BLMH: variants seen among roughly 807,000 people sequenced by gnomAD.
The protein encoded by BLMH is BLM hydrolase.
A neutral mutation model predicts 61.6 loss-of-function variants in BLMH; 32 were observed. The ratio of observed to expected loss-of-function variants is 0.52; its 90% CI spans 0.39 to 0.70. BLMH has a LOEUF of 0.70. BLMH is among the 30% of genes least tolerant of loss of function. The probability of loss-of-function intolerance (pLI) is 0.00; values close to 1 mark genes in which losing one functional copy is unlikely to be tolerated. For synonymous variants in BLMH, 183 were observed against 193.8 expected (o/e 0.94, Z 0.46); for missense variants, 460 against 555.5 (o/e 0.83, Z 1.73).
At chr17:30,249,344 G>A in intron 11 of BLMH, 176 bp from the exon 12 acceptor site, 4 of 704,292 alleles carry the variant, frequency 5.7e-6, no homozygotes, top group Non-Finnish European at 9.1e-6. Flanking sequence ...AGATAGGACA[G>A]GCATGGCTCT....
intron 9 of BLMH, chr17:30,272,230 C>A: frequency 3.5e-6 from 1 of 286,344 alleles, no homozygotes; most frequent in African/African-American, 2.1e-5. Flanking sequence ...TCTGGAAAAT[C>A]TTTCATTACA....
intron 6 of BLMH, among the ~76,000 whole-genome samples, chr17:30,279,522 G>A (rs926623108): frequency 3.9e-5 from 6 of 152,192 alleles, no homozygotes; most frequent in Non-Finnish European, 8.8e-5. Context: ...TGCAGCTGGT[G>A]CCAGAAAGGT....
chr17:30,273,998 A>G, intron 7 of BLMH, 44 bp downstream of exon 7: 1 of 1,607,912 alleles, frequency 6.2e-7, no homozygotes. Flanking sequence ...GTTAACAGCC[A>G]TTTGAAAGTA....
At chr17:30,278,110 A>T (rs932245336) in intron 6 of BLMH, among the ~76,000 whole-genome samples, 1 of 150,392 alleles carries the variant, frequency 6.6e-6, no homozygotes, top group African/African-American at 2.4e-5. Flanking sequence ...AGCTCTCATT[A>T]AAAAAAAATG....
chr17:30,259,141 T>A lies in BLMH; in HGVS notation c.1216+7744A>T, dbSNP rs551922916. On this transcript the variant is annotated intron_variant, in intron 11 of 11. Transcript: ENST00000261714. ...CTTATTCTTGTGTTTATGTTTTACA[T>A]ATTTATTCTTACAATAGGTTACAAA... Among the ~76,000 whole-genome samples, 19 of 152,334 alleles carry A rather than the reference T, an allele frequency of 1.2e-4. No individual in the cohort carries two copies. The South Asian group carries it at 3.5e-3, about 28-fold the overall frequency.
intron 11 of BLMH, among the ~76,000 whole-genome samples, chr17:30,257,729 A>G (rs1271843505): frequency 6.6e-6 from 1 of 152,224 alleles, no homozygotes; most frequent in Non-Finnish European, 1.5e-5. Context: ...TCTCACAACA[A>G]TGCTGTGAGG....
At chr17:30,288,105 T>G (rs2143052275) in intron 3 of BLMH, 158 bp from the exon 4 acceptor site, 1 of 753,266 alleles carries the variant, frequency 1.3e-6, no homozygotes, top group South Asian at 2.1e-5. Flanking sequence ...TTGCATGTCA[T>G]CCTTGTACAG....
intron 3 of BLMH, among the ~76,000 whole-genome samples, chr17:30,288,400 T>G (rs916871319): frequency 6.6e-6 from 1 of 152,192 alleles, no homozygotes; most frequent in Non-Finnish European, 1.5e-5. Flanking sequence ...CTCTGTTGCC[T>G]AGGCTGGAGT....
rs1483235677 is a variant in BLMH at position 30,285,381 on chromosome 17, T to C, written c.645+7A>G. 3 of 1,603,234 alleles carry C rather than the reference T, an allele frequency of 1.9e-6. No homozygotes were observed. The highest frequency in any genetic ancestry group is 1.3e-5 in the African/African-American group (1 of 74,428). ...GGGTCACAAAAAAATCCAAATTTTG[T>C]TATTACCTCCTCCATCATGACGTCC... On this transcript the variant is annotated splice_region_variant and intron_variant, in intron 6 of 11. Coordinates refer to ENST00000261714, the MANE Select transcript of BLMH (RefSeq NM_000386.4).
chr17:30,277,105 C>T (rs1908444101), intron 6 of BLMH, among the ~76,000 whole-genome samples: 1 of 152,188 alleles, frequency 6.6e-6, no homozygotes, highest in African/African-American at 2.4e-5. Flanking sequence ...GCTTGCCTGT[C>T]ATTTTGTTTT....
chr17:30,280,795 G>GT (rs1908565897), intron 6 of BLMH, among the ~76,000 whole-genome samples: 1 of 152,032 alleles, frequency 6.6e-6, no homozygotes, highest in Admixed American at 6.6e-5. Context: ...ACTTTTTTTA[G>GT]TTTTACTGAT....
At chr17:30,282,647 C>T (rs1158939337) in intron 6 of BLMH, among the ~76,000 whole-genome samples, 1 of 152,230 alleles carries the variant, frequency 6.6e-6, no homozygotes, top group East Asian at 1.9e-4. Context: ...AAGCAGCCTG[C>T]GTCTCACTTC....
rs374913500 is a variant in BLMH, at chr17:30,272,928, G to C, written c.802-29C>G. On this transcript the variant is annotated intron_variant, in intron 7 of 11. Coordinates refer to ENST00000261714, the MANE Select transcript of BLMH (RefSeq NM_000386.4). Reference sequence around the variant, plus strand: ...TCAAGATCAAGAACACATTAATTAGGGCACAAAACCAGGAATGTCAAGCAA... The same window carrying C: ...TCAAGATCAAGAACACATTAATTAGCGCACAAAACCAGGAATGTCAAGCAA... The C allele has an allele frequency of 9.3e-5, 149 of 1,608,486 alleles. 2 individuals are homozygous for C. The Admixed American group carries it at 2.4e-3, about 26-fold the overall frequency.
Position 30,271,287 on chromosome 17 carries a change from G to A in BLMH, c.1130C>T (p.Thr377Ile). ...GGGTCATACCTTCTCTGAGACAGCA[G>A]TGAAGGTCATGGCGTGGGTCATAAG... ...ESLMTHAMTFTAVSEKDDQDG... is the reference protein window; with the variant it reads ...ESLMTHAMTFIAVSEKDDQDG... The change falls in exon 10 of 12, where the codon ACT becomes ATT. Residue 377 changes from threonine to isoleucine, a missense_variant. Coordinates refer to ENST00000261714, the MANE Select transcript of BLMH (RefSeq NM_000386.4). The A allele has an allele frequency of 6.2e-7, 1 of 1,613,050 alleles. No individual in the cohort carries two copies. Among genetic ancestry groups the A allele is most frequent in the African/African-American group, 1.3e-5 (1 of 75,010 alleles).
At chr17:30,281,393 T>G (rs991074630) in intron 6 of BLMH, among the ~76,000 whole-genome samples, 1 of 152,014 alleles carries the variant, frequency 6.6e-6, no homozygotes, top group Non-Finnish European at 1.5e-5. Flanking sequence ...AGGTGATTCA[T>G]GTGCACATTA....
At position 30,272,885 on chromosome 17, in the gene BLMH, A is replaced by G. The variant is rs367772241; in HGVS notation, c.816T>C (p.Asn272=). The G allele has an allele frequency of 1.2e-6, 2 of 1,613,298 alleles. No individual in the cohort carries two copies. Among genetic ancestry groups the G allele is most frequent in the African/African-American group, 1.3e-5 (1 of 75,006 alleles). Residue 272 remains asparagine, a synonymous_variant, in exon 8 of 12, where the codon AAT becomes AAC. Transcript: ENST00000261714. ...TGTACTTGTGCTGGGGCCTAGGGTC[A>G]TTCACTAAACAAATCTATCAAGATC... ...FNMEDKICLV[N]DPRPQHKYNK...
In BLMH at chr17:30,260,962, C is replaced by T. The variant is rs1404125849; in HGVS notation, c.1216+5923G>A. Among the ~76,000 whole-genome samples the T allele has an allele frequency of 1.2e-4, 18 of 152,242 alleles. No individual in the cohort carries two copies. The East Asian group carries it at 3.3e-3, about 28-fold the overall frequency. On this transcript the variant is annotated intron_variant, in intron 11 of 11. Transcript: ENST00000261714. ...CAGATTAATGGTAGCAGCACTTTTC[C>T]CAAGCCTGGAGAGACATGAAACCCT...
At chr17:30,268,312 A>G (rs1279883206) in intron 10 of BLMH, among the ~76,000 whole-genome samples, 1 of 152,194 alleles carries the variant, frequency 6.6e-6, no homozygotes, top group Non-Finnish European at 1.5e-5. Flanking sequence ...CTACAATTAC[A>G]AAATGATTAA....
intron 2 of BLMH, 180 bp downstream of exon 2, chr17:30,291,131 A>C: frequency 1.4e-6 from 1 of 720,676 alleles, no homozygotes; most frequent in Non-Finnish European, 2.2e-6. Context: ...AACAAGCCAC[A>C]GAACAGCAAA....
Sources: allele counts gnomAD v4.1 joint callset (sites outside exome capture counted in the v4.1 genomes callset), GRCh38; gene constraint gnomAD v4.1.1; transcripts MANE v1.5; gene names NCBI Gene and HGNC (gene_info 2026-07-23, HGNC 2026-07-21).